The following GALNT5 variants were observed in gnomAD, a reference collection of about 807,000 sequenced individuals.
GALNT5 encodes the protein UDP-GalNAc:polypeptide N-acetylgalactosaminyltransferase 5.
Under a neutral mutation model 85.4 loss-of-function variants are expected in GALNT5, and 72 were observed. The observed-to-expected ratio is 0.84, with a 90% CI of 0.70 to 1.03. The LOEUF (loss-of-function observed/expected upper bound fraction) is 1.03, where lower values mean the gene tolerates loss of function less well. Ranked by LOEUF, GALNT5 falls within the 50% of genes least tolerant of loss-of-function variation. The pLI is 0.00. For missense variants in GALNT5, 1,137 were observed against 1,135.5 expected, an observed-to-expected ratio of 1.00 and a Z score of -0.02; for synonymous variants, 404 against 397.0, an observed-to-expected ratio of 1.02 and a Z score of -0.21.
intron 4 of GALNT5, among the ~76,000 whole-genome samples, chr2:157,296,144 T>C (rs1449242738): frequency 2.1e-5 from 1 of 46,972 alleles, no homozygotes; most frequent in Non-Finnish European, 9.7e-5. Flanking sequence ...GTTGCTCTTG[T>C]ATTTTTTTTC....
rs115555500 is a variant in GALNT5, at chr2:157,316,619, A to G, written c.*5271A>G. On this transcript the variant is annotated 3_prime_UTR_variant, in exon 10 of 10. Transcript: ENST00000259056. ...CAAGACAAAATGCCTTACAATTAGA[A>G]AAAAAAATTAACCAGAGATATTGTA... is the stretch of plus-strand genomic sequence containing the variant. Among the ~76,000 whole-genome samples, 128 of 152,040 alleles carry G rather than the reference A, an allele frequency of 8.4e-4. No individual in the cohort carries two copies. Among genetic ancestry groups the G allele is most frequent in the African/African-American group, 3.0e-3 (123 of 41,384 alleles).
chr2:157,296,334 A>G, intron 4 of GALNT5, 60 bp from the exon 5 acceptor site: 2 of 1,359,776 alleles, frequency 1.5e-6, no homozygotes, highest in Non-Finnish European at 2.1e-6. Flanking sequence ...CCAAATCGAT[A>G]AAGTATATAA....
At position 157,258,478 on chromosome 2, in the gene GALNT5, G is replaced by A; in HGVS notation, c.396G>A (p.Leu132=). The change falls in exon 1 of 10, where the codon CTG becomes CTA. Residue 132 remains leucine, a synonymous_variant. Coordinates refer to ENST00000259056, the MANE Select transcript of GALNT5 (RefSeq NM_014568.3). ...KVVPLWHPAH[L]QTLPVTPNKQ... Reference sequence around the variant, plus strand: ...TGCCGTTGTGGCATCCTGCACATCTGCAGACCCTCCCTGTGACTCCTAACA... The same window carrying A: ...TGCCGTTGTGGCATCCTGCACATCTACAGACCCTCCCTGTGACTCCTAACA... The A allele has an allele frequency of 6.2e-7, 1 of 1,607,184 alleles. No homozygotes were observed.
intron 8 of GALNT5, 132 bp downstream of exon 8, chr2:157,305,961 C>T (rs1683446789): frequency 4.9e-6 from 3 of 607,768 alleles, no homozygotes; most frequent in Admixed American, 3.1e-5. Context: ...AAAGAGAGTC[C>T]ACCACTAAAC....
rs754972615 is a variant in GALNT5 at position 157,313,578 on chromosome 2, C to A, written c.*2230C>A. 6.6e-6 allele frequency: 1 copy of A among 152,140 alleles called. No homozygotes were observed. The highest frequency in any genetic ancestry group is 6.6e-5 in the Admixed American group (1 of 15,262). 9.4% of individuals were successfully genotyped at this position (152,140 alleles called of 1,614,324 possible). A position where few individuals can be genotyped will look rare whatever the true frequency, so the allele number is the denominator to read the frequency against. ...GTGCCTCATGTAATTCTTCATGTAA[C>A]TAAAAAATGTTGAGAGGTTTTTTTC... On this transcript the variant is annotated 3_prime_UTR_variant, in exon 10 of 10. Transcript: ENST00000259056.
intron 1 of GALNT5, among the ~76,000 whole-genome samples, chr2:157,269,256 C>T (rs548822190): frequency 3.3e-5 from 5 of 152,106 alleles, no homozygotes; most frequent in Admixed American, 1.3e-4. Flanking sequence ...GCTAGATACC[C>T]GGAAACATGT....
At chr2:157,304,475 C>T (rs1683411230) in intron 7 of GALNT5, among the ~76,000 whole-genome samples, 1 of 152,218 alleles carries the variant, frequency 6.6e-6, no homozygotes, top group African/African-American at 2.4e-5. Context: ...ATATTCATCT[C>T]AAATCCAAAT....
intron 9 of GALNT5, among the ~76,000 whole-genome samples, chr2:157,310,845 A>G (rs569279430): frequency 1.3e-5 from 2 of 152,284 alleles, no homozygotes; most frequent in South Asian, 4.1e-4. Flanking sequence ...ACTTTTTGTT[A>G]CGGTATGTAT....
At chr2:157,306,742 G>A (rs1683462590) in intron 8 of GALNT5, among the ~76,000 whole-genome samples, 1 of 152,018 alleles carries the variant, frequency 6.6e-6, no homozygotes, top group Non-Finnish European at 1.5e-5. Flanking sequence ...ATATTTTTTG[G>A]TGCATCCCAT....
At chr2:157,283,992 T>C (rs1465607816) in intron 1 of GALNT5, among the ~76,000 whole-genome samples, 3 of 152,238 alleles carry the variant, frequency 2.0e-5, no homozygotes, top group Non-Finnish European at 4.4e-5. Context: ...TGCAGTGTGA[T>C]GTCTGCATGG....
chr2:157,275,169 T>A (rs1682692435), intron 1 of GALNT5, among the ~76,000 whole-genome samples: 1 of 152,186 alleles, frequency 6.6e-6, no homozygotes, highest in Non-Finnish European at 1.5e-5. Flanking sequence ...GAGGCCTCTG[T>A]TCTGTTCCAT....
At position 157,300,569 on chromosome 2, in the gene GALNT5, G is replaced by A. The variant is rs549287377; in HGVS notation, c.2116-107G>A. 17 of 810,690 alleles carry A rather than the reference G, an allele frequency of 2.1e-5. No individual in the cohort carries two copies. The East Asian group carries it at 3.4e-4, about 16-fold the overall frequency. The allele number at this position is 810,690 out of a possible 1,614,324, so 50.2% of individuals were successfully genotyped here. ...ATTGCAAAAGTGTTTTTGAAGTTGAGTATTACTTCAGGTAGGGGGAAACAA... is the reference window on the plus strand; with the variant it reads ...ATTGCAAAAGTGTTTTTGAAGTTGAATATTACTTCAGGTAGGGGGAAACAA... On this transcript the variant is annotated intron_variant, in intron 6 of 9. Transcript: ENST00000259056.
chr2:157,305,959 T>A, intron 8 of GALNT5, 130 bp downstream of exon 8: 1 of 616,644 alleles, frequency 1.6e-6, no homozygotes, highest in Non-Finnish European at 2.8e-6. Flanking sequence ...AAAAAGAGAG[T>A]CCACCACTAA....
chr2:157,296,117 C>T (rs909743895), intron 4 of GALNT5, among the ~76,000 whole-genome samples: 4 of 148,252 alleles, frequency 2.7e-5, no homozygotes, highest in Admixed American at 1.4e-4. Context: ...CTGTGGGAAG[C>T]GTATATGTGC....
In GALNT5 at chr2:157,300,928, A is replaced by G. The variant is rs1427843535; in HGVS notation, c.2368A>G (p.Lys790Glu). ...QRELRKKLKC[K>E]SFKWYLENVF... Reference sequence around the variant, plus strand: ...GGAGCTGCGAAAGAAACTGAAGTGCAAAAGTTTCAAATGGTACTTGGAGAA... The same window carrying G: ...GGAGCTGCGAAAGAAACTGAAGTGCGAAAGTTTCAAATGGTACTTGGAGAA... The change falls in exon 7 of 10, where the codon AAA becomes GAA. Residue 790 changes from lysine to glutamate, a missense_variant. Lys to Glu is a moderately conservative substitution (Grantham distance 56). Transcript: ENST00000259056. 6.2e-7 allele frequency: 1 copy of G among 1,614,140 alleles called. No homozygotes were observed. The highest frequency in any genetic ancestry group is 8.5e-7 in the Non-Finnish European group (1 of 1,179,960).
rs115254152 is a variant in GALNT5, at chr2:157,286,872, C to A, written c.1741+738C>A. On this transcript the variant is annotated intron_variant, in intron 3 of 9. Transcript: ENST00000259056. ...TTCTTAGTCTGAAAAGTCAACTCCT[C>A]ACACACTTTGTTTAAATACCAGTGT... Among the ~76,000 whole-genome samples, 1,407 of 151,438 alleles carry A rather than the reference C, an allele frequency of 9.3e-3. 23 individuals are homozygous for A. Among genetic ancestry groups the A allele is most frequent in the African/African-American group, 0.032 (1,324 of 41,122 alleles).
At chr2:157,286,498 TTTTG>T (rs1363351003) in intron 3 of GALNT5, among the ~76,000 whole-genome samples, 2 of 151,632 alleles carry the variant, frequency 1.3e-5, no homozygotes, top group East Asian at 1.9e-4. Context: ...CCCAAAATGT[TTTTG>T]TTTTTGTTTT....
At chr2:157,301,437 A>C (rs1261710483) in intron 7 of GALNT5, 8 of 205,536 alleles carry the variant, frequency 3.9e-5, no homozygotes, top group African/African-American at 7.0e-5. Flanking sequence ...TGAGAAGGAG[A>C]CTTTGTAACT....
intron 3 of GALNT5, among the ~76,000 whole-genome samples, chr2:157,292,352 A>G (rs1019219289): frequency 5.3e-5 from 8 of 152,224 alleles, no homozygotes; most frequent in Non-Finnish European, 1.0e-4. Context: ...CTCACCTAAC[A>G]TAGTCCTAGG....
Sources: allele counts gnomAD v4.1 joint callset (sites outside exome capture counted in the v4.1 genomes callset), GRCh38; gene constraint gnomAD v4.1.1; transcripts MANE v1.5; gene names NCBI Gene and HGNC (gene_info 2026-07-23, HGNC 2026-07-21).